The following VANGL1 variants were observed in gnomAD, a reference collection of about 807,000 sequenced individuals.
VANGL1 encodes VANGL planar cell polarity protein 1.
In VANGL1, 18 loss-of-function variants were observed where a neutral mutation model predicts 48.4. The ratio of observed to expected loss-of-function variants is 0.37; its 90% CI spans 0.26 to 0.55. VANGL1 has a LOEUF of 0.55. Among genes scored for constraint, VANGL1 ranks in the 20% least tolerant of loss-of-function variants. The pLI is 0.81. For missense variants in VANGL1, 667 were observed against 675.8 expected, an observed-to-expected ratio of 0.99 and a Z score of 0.14; for synonymous variants, 257 against 261.8, an observed-to-expected ratio of 0.98 and a Z score of 0.18.
At chr1:115,681,180 A>G (rs1324485701) in intron 4 of VANGL1, among the ~76,000 whole-genome samples, 1 of 152,188 alleles carries the variant, frequency 6.6e-6, no homozygotes, top group Non-Finnish European at 1.5e-5. Flanking sequence ...GGTATGTGCA[A>G]ACCCTTGCTG....
Position 115,691,282 on chromosome 1 carries a change from A to G in VANGL1, c.1478A>G (p.Asn493Ser), listed in dbSNP as rs1247564900. ...LKCLDFSLVVNVKKIPFIILS... is the reference protein window; with the variant it reads ...LKCLDFSLVVSVKKIPFIILS... ...TGCTTGGACTTCAGCCTCGTAGTCA[A>G]TGTGAAGAAAATTCCATTCATCATA... Residue 493 changes from asparagine (N) to serine (S), a missense_variant, in exon 8 of 8, where the codon AAT becomes AGT. Asn to Ser is a conservative substitution (Grantham distance 46). Transcript: ENST00000355485. The G allele has an allele frequency of 2.5e-6, 4 of 1,614,162 alleles. No homozygotes were observed. In the East Asian group the frequency reaches 6.7e-5, roughly 27 times the overall value.
intron 4 of VANGL1, among the ~76,000 whole-genome samples, chr1:115,673,594 CTTTTTTTTTTTTT>C (rs960453479): frequency 9.2e-6 from 1 of 108,586 alleles, no homozygotes; most frequent in Non-Finnish European, 1.8e-5. Flanking sequence ...TGTATGTCCT[CTTTTTTTTTTTTT>C]TTTTTTTTTT....
chr1:115,667,996 C>T (rs1384345906), intron 4 of VANGL1, among the ~76,000 whole-genome samples: 5 of 152,166 alleles, frequency 3.3e-5, no homozygotes, highest in African/African-American at 1.2e-4. Context: ...TTACTGGGAG[C>T]CAGGTACCTT....
At position 115,675,661 on chromosome 1, in the gene VANGL1, G is replaced by A. The variant is rs111750311; in HGVS notation, c.813-6703G>A. Among the ~76,000 whole-genome samples the A allele has an allele frequency of 6.8e-3, 1,030 of 152,170 alleles. 11 individuals are homozygous for A. Among genetic ancestry groups the A allele is most frequent in the African/African-American group, 0.022 (930 of 41,536 alleles). On this transcript the variant is annotated intron_variant, in intron 4 of 7. Coordinates refer to ENST00000355485, the MANE Select transcript of VANGL1 (RefSeq NM_138959.3). ...CTAAAAATCAGCCAGGCATGGTGGC[G>A]TGCGCCTGTAATCCCAGCTACTTGG...
intron 4 of VANGL1, among the ~76,000 whole-genome samples, chr1:115,675,352 T>C (rs779400831): frequency 6.6e-6 from 1 of 152,028 alleles, no homozygotes; most frequent in African/African-American, 2.4e-5. Flanking sequence ...ATACAAAAAA[T>C]GAGCCAGGCG....
chr1:115,654,118 C>T (rs1268047003), intron 2 of VANGL1, among the ~76,000 whole-genome samples: 1 of 152,072 alleles, frequency 6.6e-6, no homozygotes, highest in African/African-American at 2.4e-5. Flanking sequence ...AAGGAGTGTT[C>T]CTGTGAAGGC....
chr1:115,663,532 A>T, intron 3 of VANGL1, 129 bp from the exon 4 acceptor site: 1 of 1,286,822 alleles, frequency 7.8e-7, no homozygotes, highest in African/African-American at 1.5e-5. Flanking sequence ...TAAAGAGTTA[A>T]GCTTTCATTT....
rs1653972170 is a variant in VANGL1, at chr1:115,694,735, A to G, written c.*3356A>G. On this transcript the variant is annotated 3_prime_UTR_variant, in exon 8 of 8. Coordinates refer to ENST00000355485, the MANE Select transcript of VANGL1 (RefSeq NM_138959.3). ...TGTAAGTATCCCTAAGTGGGGATGC[A>G]TATTTGTTTGTGCGTTTTTATTTCC... The G allele has an allele frequency of 6.6e-6, 1 of 152,154 alleles. No homozygotes were observed. The highest frequency in any genetic ancestry group is 1.5e-5 in the Non-Finnish European group (1 of 68,024). 9.4% of individuals were successfully genotyped at this position (152,154 alleles called of 1,614,324 possible).
At position 115,663,710 on chromosome 1, in the gene VANGL1, A is replaced by T. The variant is rs761474411; in HGVS notation, c.254A>T (p.His85Leu). Residue 85 changes from histidine to leucine, a missense_variant, in exon 4 of 8, where the codon CAC becomes CTC. By Grantham distance (99) the His-to-Leu change is moderately conservative. Transcript: ENST00000355485. ...TTTAITGTSE[H>L]SISQEDIARI... The stretch of plus-strand genomic sequence containing the variant: ...ACGGCCATCACAGGCACCTCGGAGC[A>T]CAGCATATCCCAAGAGGACATTGCC... 2 of 1,614,212 alleles carry T rather than the reference A, an allele frequency of 1.2e-6. No individual in the cohort carries two copies. The highest frequency in any genetic ancestry group is 3.3e-5 in the Admixed American group (2 of 60,030).
At chr1:115,675,390 A>G (rs746186321) in intron 4 of VANGL1, among the ~76,000 whole-genome samples, 8 of 152,064 alleles carry the variant, frequency 5.3e-5, no homozygotes, top group Non-Finnish European at 8.8e-5. Flanking sequence ...AGTCCCAGCT[A>G]CTCCGGTAGG....
chr1:115,684,470 C>T (rs1570772750), intron 6 of VANGL1, among the ~76,000 whole-genome samples: 1 of 152,086 alleles, frequency 6.6e-6, no homozygotes, highest in South Asian at 2.1e-4. Context: ...TCCTTTCTTA[C>T]CACTAGAATG....
chr1:115,650,840 C>G (rs539976611), intron 1 of VANGL1, among the ~76,000 whole-genome samples: 1 of 143,136 alleles, frequency 7.0e-6, no homozygotes, highest in Admixed American at 7.1e-5. Flanking sequence ...GATTGAAGAT[C>G]TTTTTTTTTT....
In VANGL1 at chr1:115,648,905, T is replaced by C. The variant is rs570044315; in HGVS notation, c.-137-2372T>C. Among the ~76,000 whole-genome samples the C allele has an allele frequency of 2.0e-5, 3 of 152,270 alleles. No individual in the cohort carries two copies. In the East Asian group the frequency reaches 5.8e-4, roughly 29 times the overall value. On this transcript the variant is annotated intron_variant, in intron 1 of 7. Coordinates refer to ENST00000355485, the MANE Select transcript of VANGL1 (RefSeq NM_138959.3). Reference sequence around the variant, plus strand: ...GAGTGTAGGAGTTGTGAAGGGTTAATTATGAATCTAGAAGAGAGTGGGAAA... The same window carrying C: ...GAGTGTAGGAGTTGTGAAGGGTTAACTATGAATCTAGAAGAGAGTGGGAAA...
chr1:115,691,415 A>G lies in VANGL1; in HGVS notation c.*36A>G, dbSNP rs1006261207. On this transcript the variant is annotated 3_prime_UTR_variant, in exon 8 of 8. Transcript: ENST00000355485. ...TTTGTGGCTTTATTAAAAAAAAAAG[A>G]AAAATATATAGAGAGATATATATCT... The G allele has an allele frequency of 6.3e-7, 1 of 1,580,448 alleles. No homozygotes were observed. Among genetic ancestry groups the G allele is most frequent in the African/African-American group, 1.4e-5 (1 of 71,972 alleles).
intron 7 of VANGL1, 116 bp from the exon 8 acceptor site, chr1:115,691,003 T>C (rs1653807565): frequency 6.3e-6 from 9 of 1,427,142 alleles, no homozygotes; most frequent in Non-Finnish European, 8.7e-6. Context: ...GGCTCTGGTC[T>C]AAGCTGGTTT....
chr1:115,666,494 A>G (rs1204923021), intron 4 of VANGL1, among the ~76,000 whole-genome samples: 2 of 152,164 alleles, frequency 1.3e-5, no homozygotes, highest in East Asian at 1.9e-4. Context: ...GGGAGAAGCC[A>G]GACTGATTGT....
intron 4 of VANGL1, among the ~76,000 whole-genome samples, chr1:115,682,042 G>A (rs190509618): frequency 7.5e-4 from 114 of 152,310 alleles, no homozygotes; most frequent in African/African-American, 2.6e-3. Context: ...GTAAACCGAG[G>A]AAAAATAGAA....
intron 2 of VANGL1, 136 bp from the exon 3 acceptor site, chr1:115,659,505 C>CTGTG (rs58894569): frequency 0.015 from 14,803 of 957,376 alleles, 41 homozygotes; most frequent in Non-Finnish European, 0.018. Context: ...TTTTGATGCT[C>CTGTG]TGTGTGTGTG....
intron 1 of VANGL1, among the ~76,000 whole-genome samples, chr1:115,646,101 A>G (rs1651902828): frequency 6.6e-6 from 1 of 152,208 alleles, no homozygotes; most frequent in Non-Finnish European, 1.5e-5. Context: ...TTTTTATATG[A>G]GTGAACATGA....
Sources: gnomAD v4.1 joint callset for allele counts (sites outside exome capture counted in the v4.1 genomes callset) on GRCh38, gnomAD v4.1.1 for gene constraint, MANE v1.5 for transcripts, NCBI Gene and HGNC (gene_info 2026-07-23, HGNC 2026-07-21) for gene names.